TDP1: variants seen among roughly 807,000 people sequenced by gnomAD.
TDP1 encodes the protein tyr-DNA phosphodiesterase 1.
TDP1 carries 64 observed loss-of-function variants against 81.5 expected under a neutral mutation model. The ratio of observed to expected loss-of-function variants is 0.79; its 90% CI spans 0.64 to 0.97. The LOEUF is 0.97. Ranked by LOEUF, TDP1 falls within the 50% of genes least tolerant of loss-of-function variation. The probability of loss-of-function intolerance (pLI) is 0.00; values close to 1 mark genes in which losing one functional copy is unlikely to be tolerated. For synonymous variants in TDP1, 256 were observed against 264.3 expected (o/e 0.97, Z 0.30); for missense variants, 723 against 743.8 (o/e 0.97, Z 0.33).
chr14:89,965,491 C>T (rs564659578), intron 3 of TDP1, among the ~76,000 whole-genome samples: 1 of 152,286 alleles, frequency 6.6e-6, no homozygotes, highest in African/African-American at 2.4e-5. Flanking sequence ...TGGCATCTAA[C>T]AGGTCTCCAC....
chr14:90,008,484 CCACCTAG>C (rs1396210239), intron 14 of TDP1, among the ~76,000 whole-genome samples: 3 of 152,176 alleles, frequency 2.0e-5, no homozygotes, highest in African/African-American at 7.2e-5. Flanking sequence ...TCTTACTCTA[CCACCTAG>C]TACCTGTTGA....
chr14:89,999,973 G>T (rs188085276), intron 14 of TDP1, among the ~76,000 whole-genome samples: 1 of 152,308 alleles, frequency 6.6e-6, no homozygotes, highest in African/African-American at 2.4e-5. Context: ...GAGTCTGGGC[G>T]TGGATTAGCT....
intron 14 of TDP1, 84 bp from the exon 15 acceptor site, chr14:90,019,232 A>G (rs1885677552): frequency 2.3e-6 from 3 of 1,296,934 alleles, no homozygotes; most frequent in Admixed American, 1.9e-5. Context: ...TATTTTTTTG[A>G]CCGGTGCTCT....
chr14:89,967,804 T>C (rs768243509), intron 5 of TDP1, among the ~76,000 whole-genome samples: 1 of 152,228 alleles, frequency 6.6e-6, no homozygotes, highest in African/African-American at 2.4e-5. Context: ...CTGTTCTGTT[T>C]TGAGGATCCC....
At chr14:90,022,595 C>T (rs1232875955) in intron 15 of TDP1, 1 of 195,974 alleles carries the variant, frequency 5.1e-6, no homozygotes, top group Non-Finnish European at 9.2e-6. Context: ...GGGGTAGATA[C>T]TACCAAGGGG....
intron 10 of TDP1, among the ~76,000 whole-genome samples, chr14:89,985,553 GA>G (rs36082908): frequency 0.031 from 4,694 of 152,220 alleles, 111 homozygotes; most frequent in African/African-American, 0.067. Context: ...TCAACAAACA[GA>G]AAATGTTGAG....
At chr14:89,984,989 G>A in intron 9 of TDP1, 143 bp from the exon 10 acceptor site, 2 of 1,380,158 alleles carry the variant, frequency 1.4e-6, no homozygotes, top group Non-Finnish European at 1.9e-6. Context: ...GCTTGAAAAT[G>A]AATTTGAGAG....
chr14:89,960,492 A>G (rs980765504), intron 2 of TDP1, among the ~76,000 whole-genome samples: 4 of 152,202 alleles, frequency 2.6e-5, no homozygotes, highest in African/African-American at 9.6e-5. Context: ...TACCTATGCT[A>G]TGAGTTTTAA....
intron 15 of TDP1, among the ~76,000 whole-genome samples, chr14:90,027,255 T>A (rs185278615): frequency 6.6e-6 from 1 of 152,294 alleles, no homozygotes; most frequent in African/African-American, 2.4e-5. Flanking sequence ...CTGTTCCTAC[T>A]GGTTGTCACC....
In TDP1 at chr14:89,998,424, G is replaced by GTATGTATATATA. The variant is rs1566891338; in HGVS notation, c.1541+4948_1541+4949insATATATATGTAT. Among the ~76,000 whole-genome samples, 167 of 78,492 alleles carry GTATGTATATATA rather than the reference G, an allele frequency of 2.1e-3. 2 individuals are homozygous for GTATGTATATATA. Among genetic ancestry groups the GTATGTATATATA allele is most frequent in the African/African-American group, 9.8e-3 (154 of 15,758 alleles). 51.5% of individuals were successfully genotyped at this position (78,492 alleles called of 152,430 possible). ...TATATATATATATATATATATATAT[G>GTATGTATATATA]TATGTATGTATGTATGTATATGTAT... On this transcript the variant is annotated intron_variant, in intron 14 of 16. Transcript: ENST00000335725.
chr14:89,968,808 G>T (rs1893251813), intron 5 of TDP1, among the ~76,000 whole-genome samples: 1 of 152,178 alleles, frequency 6.6e-6, no homozygotes, highest in African/African-American at 2.4e-5. Flanking sequence ...GCAGACTGCA[G>T]TTCCTTTGTA....
intron 14 of TDP1, among the ~76,000 whole-genome samples, chr14:90,012,525 A>G (rs1022982863): frequency 1.3e-5 from 2 of 151,916 alleles, no homozygotes; most frequent in African/African-American, 2.4e-5. Flanking sequence ...AGGCGTTTCT[A>G]TACATCCTCT....
Position 89,963,597 on chromosome 14 carries a change from G to C in TDP1, c.483G>C (p.Gly161=). The part of the protein sequence containing the change: ...GQDIWDMLDK[G]NPFQFYLTRV... ...ACATTTGGGACATGCTGGATAAAGG[G>C]AACCCCTTCCAGTTTTACCTCACTA... The change falls in exon 3 of 17, where the codon GGG becomes GGC. Residue 161 remains glycine (G), a synonymous_variant. Transcript: ENST00000335725. 6.2e-7 allele frequency: 1 copy of C among 1,614,092 alleles called. No individual in the cohort carries two copies. Among genetic ancestry groups the C allele is most frequent in the Non-Finnish European group, 8.5e-7 (1 of 1,179,980 alleles).
chr14:90,002,481 C>T (rs1415094445), intron 14 of TDP1, among the ~76,000 whole-genome samples: 1 of 152,100 alleles, frequency 6.6e-6, no homozygotes, highest in African/African-American at 2.4e-5. Flanking sequence ...TCATGTCTCT[C>T]ATATTCATTA....
chr14:90,035,796 G>A (rs923371372), intron 16 of TDP1, among the ~76,000 whole-genome samples: 2 of 149,172 alleles, frequency 1.3e-5, no homozygotes, highest in African/African-American at 5.1e-5. Context: ...TGACTGACTA[G>A]GCTTTATCTG....
intron 6 of TDP1, among the ~76,000 whole-genome samples, chr14:89,974,063 G>T (rs958259307): frequency 4.6e-5 from 7 of 152,144 alleles, no homozygotes; most frequent in African/African-American, 1.7e-4. Flanking sequence ...CACATTGGAA[G>T]TTGGGGCTTC....
chr14:90,013,543 T>C (rs1884969376), intron 14 of TDP1, among the ~76,000 whole-genome samples: 1 of 152,262 alleles, frequency 6.6e-6, no homozygotes, highest in African/African-American at 2.4e-5. Context: ...TCCCCCGCCA[T>C]GTGCAACTGT....
chr14:90,041,339 C>CT (rs1024839001), intron 16 of TDP1, among the ~76,000 whole-genome samples: 1 of 152,310 alleles, frequency 6.6e-6, no homozygotes, highest in African/African-American at 2.4e-5. Context: ...GTATGGCTCT[C>CT]TAACAAGCTT....
upstream of TDP1, chr14:89,955,334 T>A (rs905226700): frequency 5.9e-5 from 9 of 152,184 alleles, no homozygotes; most frequent in African/African-American, 2.2e-4. Context: ...ATGCCTAGTG[T>A]GAAAGAGATT....
Sources: gnomAD v4.1 joint callset for allele counts (sites outside exome capture counted in the v4.1 genomes callset) on GRCh38, gnomAD v4.1.1 for gene constraint, MANE v1.5 for transcripts, NCBI Gene and HGNC (gene_info 2026-07-23, HGNC 2026-07-21) for gene names.